ASIC2: variants seen among roughly 807,000 people sequenced by gnomAD.
ASIC2 encodes acid sensing ion channel subunit 2, also known as acid-sensing ion channel 2.
A neutral mutation model predicts 57.3 loss-of-function variants in ASIC2; 25 were observed. That is an observed-to-expected ratio of 0.44 (90% CI 0.32 to 0.61). ASIC2 has a LOEUF of 0.61. Among genes scored for constraint, ASIC2 ranks in the 20% least tolerant of loss-of-function variants. The probability of loss-of-function intolerance (pLI) is 0.06; values close to 1 mark genes in which losing one functional copy is unlikely to be tolerated. For synonymous variants in ASIC2, 319 were observed against 307.5 expected, an observed-to-expected ratio of 1.04 and a Z score of -0.39; for missense variants, 641 against 738.1, an observed-to-expected ratio of 0.87 and a Z score of 1.52.
In ASIC2 at chr17:34,046,882, C is replaced by A. The variant is rs138863080; in HGVS notation, c.555+109096G>T. Among the ~76,000 whole-genome samples, 7 of 152,302 alleles carry A rather than the reference C, an allele frequency of 4.6e-5. No individual in the cohort carries two copies. In the East Asian group the frequency reaches 1.3e-3, roughly 29 times the overall value. On this transcript the variant is annotated intron_variant, in intron 1 of 9. Transcript: ENST00000359872. ...CCCTGTCTGTTAGATTTACTCCCAG[C>A]TGAACCACATATACCTTCAATCCTC...
rs145075052 is a variant in ASIC2 at position 33,179,404 on chromosome 17, C to T, written c.709-67337G>A. ...CTTTGTAAAATTACTGTCAGTCAGCCGGCATATGGATTCCTGAAAAGTTGG... is the reference window on the plus strand; with the variant it reads ...CTTTGTAAAATTACTGTCAGTCAGCTGGCATATGGATTCCTGAAAAGTTGG... On this transcript the variant is annotated intron_variant, in intron 1 of 9. Coordinates refer to ENST00000225823, the MANE Select transcript of ASIC2 (RefSeq NM_183377.2). Among the ~76,000 whole-genome samples, 25 of 152,296 alleles carry T rather than the reference C, an allele frequency of 1.6e-4. No homozygotes were observed. In the East Asian group the frequency reaches 3.7e-3, roughly 22 times the overall value.
chr17:33,218,454 T>C (rs990025883), intron 1 of ASIC2, among the ~76,000 whole-genome samples: 16 of 152,132 alleles, frequency 1.1e-4, no homozygotes, highest in Non-Finnish European at 1.3e-4. Flanking sequence ...GTCTGTTGGG[T>C]GAATAAGTCT....
At position 34,127,758 on chromosome 17, in the gene ASIC2, C is replaced by T. The variant is rs182127120; in HGVS notation, c.555+28220G>A. Among the ~76,000 whole-genome samples, 313 of 152,250 alleles carry T rather than the reference C, an allele frequency of 2.1e-3. 1 individual carries two copies. Among genetic ancestry groups the T allele is most frequent in the African/African-American group, 7.3e-3 (302 of 41,540 alleles). On this transcript the variant is annotated intron_variant, in intron 1 of 9. Transcript: ENST00000359872. The stretch of plus-strand genomic sequence containing the variant: ...CCCTCCACAAGAAGGGAGGGCTGAA[C>T]TCAAGAATACAAGAAACTGTCCCAT...
intron 3 of ASIC2, among the ~76,000 whole-genome samples, chr17:33,044,651 A>G (rs1450324575): frequency 1.3e-5 from 2 of 152,184 alleles, no homozygotes; most frequent in Non-Finnish European, 2.9e-5. Context: ...ATGAGCCACC[A>G]CGCCTGGCCC....
intron 1 of ASIC2, among the ~76,000 whole-genome samples, chr17:33,125,552 AC>A (rs2142001029): frequency 6.6e-6 from 1 of 152,356 alleles, no homozygotes; most frequent in East Asian, 1.9e-4. Flanking sequence ...TACATGTCAA[AC>A]ACCGTGCTAG....
intron 1 of ASIC2, among the ~76,000 whole-genome samples, chr17:33,213,318 G>A (rs771214722): frequency 1.2e-4 from 18 of 152,338 alleles, no homozygotes; most frequent in East Asian, 3.9e-4. Flanking sequence ...CTGGTGGTTC[G>A]TAGATCTGAA....
chr17:33,571,626 A>G (rs1256355353), intron 1 of ASIC2, among the ~76,000 whole-genome samples: 1 of 152,246 alleles, frequency 6.6e-6, no homozygotes, highest in East Asian at 1.9e-4. Flanking sequence ...AAGGTTGTGG[A>G]CAGCCTCTTT....
chr17:33,910,877 G>A (rs905086759), intron 1 of ASIC2, among the ~76,000 whole-genome samples: 4 of 152,226 alleles, frequency 2.6e-5, no homozygotes, highest in Non-Finnish European at 5.9e-5. Context: ...GAAGGATGGG[G>A]GAGCTTGTCC....
intron 1 of ASIC2, among the ~76,000 whole-genome samples, chr17:33,185,555 G>A (rs985994182): frequency 3.3e-5 from 5 of 152,110 alleles, no homozygotes; most frequent in African/African-American, 1.2e-4. Flanking sequence ...TTGTGGTGGA[G>A]GGAGGGAGAA....
intron 1 of ASIC2, among the ~76,000 whole-genome samples, chr17:34,044,952 A>G (rs1908283190): frequency 6.6e-6 from 1 of 152,204 alleles, no homozygotes; most frequent in African/African-American, 2.4e-5. Context: ...AAGATGAACA[A>G]AACTGTTTTC....
At chr17:33,172,945 T>A (rs1905583913) in intron 1 of ASIC2, among the ~76,000 whole-genome samples, 2 of 152,012 alleles carry the variant, frequency 1.3e-5, no homozygotes, top group Admixed American at 1.3e-4. Context: ...AGAGCTAGAA[T>A]CCTGGCTGCT....
intron 1 of ASIC2, among the ~76,000 whole-genome samples, chr17:33,163,130 T>C (rs773160312): frequency 5.3e-5 from 8 of 152,056 alleles, no homozygotes; most frequent in Non-Finnish European, 1.0e-4. Context: ...GACCACTGGA[T>C]AGACTTGGTG....
At chr17:33,791,379 C>T (rs1346767977) in intron 1 of ASIC2, among the ~76,000 whole-genome samples, 2 of 152,176 alleles carry the variant, frequency 1.3e-5, no homozygotes, top group Non-Finnish European at 2.9e-5. Context: ...AATAGGCTAT[C>T]AGGTTGGTAA....
intron 1 of ASIC2, among the ~76,000 whole-genome samples, chr17:34,140,819 A>G (rs1912253106): frequency 6.6e-6 from 1 of 152,232 alleles, no homozygotes; most frequent in Non-Finnish European, 1.5e-5. Context: ...AAATGTAGAA[A>G]GGATGATGGA....
intron 1 of ASIC2, among the ~76,000 whole-genome samples, chr17:33,324,791 A>C (rs1470350754): frequency 5.9e-5 from 9 of 152,154 alleles, no homozygotes; most frequent in Non-Finnish European, 1.2e-4. Context: ...AAAGAAAAAA[A>C]CCATGGGAAA....
chr17:33,186,675 G>C (rs1217958162), intron 1 of ASIC2, among the ~76,000 whole-genome samples: 1 of 152,146 alleles, frequency 6.6e-6, no homozygotes, highest in Admixed American at 6.5e-5. Flanking sequence ...CGAGAGCCTT[G>C]AAGATGAGGG....
chr17:33,402,611 A>G (rs1355010687), intron 1 of ASIC2, among the ~76,000 whole-genome samples: 2 of 152,214 alleles, frequency 1.3e-5, no homozygotes, highest in African/African-American at 2.4e-5. Flanking sequence ...TGAAAAGGAC[A>G]TGATCTCACT....
At chr17:33,205,479 A>G (rs529034519) in intron 1 of ASIC2, among the ~76,000 whole-genome samples, 1 of 152,370 alleles carries the variant, frequency 6.6e-6, no homozygotes, top group African/African-American at 2.4e-5. Flanking sequence ...TACTTATCAA[A>G]GGTTCTAATA....
At chr17:33,345,392 C>A (rs775252042) in intron 1 of ASIC2, among the ~76,000 whole-genome samples, 11 of 152,032 alleles carry the variant, frequency 7.2e-5, no homozygotes, top group Non-Finnish European at 1.0e-4. Context: ...AGGAGATGGT[C>A]AATAAACAAA....
Sources: allele counts gnomAD v4.1 joint callset (sites outside exome capture counted in the v4.1 genomes callset), GRCh38; gene constraint gnomAD v4.1.1; transcripts MANE v1.5; gene names NCBI Gene and HGNC (gene_info 2026-07-23, HGNC 2026-07-21).